Variants in CYP2C18 observed in about 807,000 individuals in gnomAD.
CYP2C18 encodes cytochrome P450 2C18.
CYP2C18 carries 38 observed loss-of-function variants against 41.3 expected under a neutral mutation model. The observed-to-expected ratio is 0.92, with a 90% confidence interval of 0.71 to 1.21. CYP2C18 has a LOEUF of 1.21. CYP2C18 is among the 50% of genes most tolerant of loss of function. The pLI, the probability that CYP2C18 is intolerant of heterozygous loss-of-function variation, is 0.00. For synonymous variants in CYP2C18, 236 were observed against 210.0 expected, an observed-to-expected ratio of 1.12 and a Z score of -1.07; for missense variants, 635 against 591.4, an observed-to-expected ratio of 1.07 and a Z score of -0.77.
chr10:94,700,048 C>T (rs758073816), intron 4 of CYP2C18, among the ~76,000 whole-genome samples: 14 of 152,194 alleles, frequency 9.2e-5, no homozygotes, highest in Non-Finnish European at 1.9e-4. Flanking sequence ...GACGGCCATA[C>T]TGCCCAAGGT....
rs774686106 is a variant in CYP2C18 at position 94,733,306 on chromosome 10, A to G, written c.1159A>G (p.Ile387Val). 2 of 1,612,948 alleles carry G rather than the reference A, an allele frequency of 1.2e-6. No homozygotes were observed. The highest frequency in any genetic ancestry group is 1.7e-6 in the Non-Finnish European group (2 of 1,179,330). ...KNYLIPKGTT[I>V]ITSLTSVLHN... ...GTTTTGCTATTTTCAGGGCACGACC[A>G]TAATAACATCCCTGACTTCTGTGCT... Residue 387 changes from isoleucine (I) to valine (V), a missense_variant, in exon 8 of 9, where the codon ATA (isoleucine) becomes GTA (valine). Physicochemically the swap from Ile to Val is conservative, Grantham distance 29. Transcript: ENST00000285979.
At chr10:94,695,130 C>A in intron 4 of CYP2C18, 53 bp downstream of exon 4, 5 of 1,489,750 alleles carry the variant, frequency 3.4e-6, no homozygotes, top group Non-Finnish European at 4.5e-6. Flanking sequence ...TTTTATCAGA[C>A]AGTCCAATTT....
chr10:94,691,462 A>C (rs1220627355), intron 3 of CYP2C18, among the ~76,000 whole-genome samples: 1 of 152,182 alleles, frequency 6.6e-6, no homozygotes, highest in Non-Finnish European at 1.5e-5. Flanking sequence ...AATCCAACTT[A>C]CAAGGGATGT....
intron 5 of CYP2C18, among the ~76,000 whole-genome samples, chr10:94,716,949 G>C (rs867422952): frequency 6.6e-5 from 10 of 152,078 alleles, no homozygotes; most frequent in East Asian, 1.9e-4. Flanking sequence ...CCTTGTTTGT[G>C]TCTTTCGATC....
chr10:94,713,867 C>T (rs534082488), intron 5 of CYP2C18, among the ~76,000 whole-genome samples: 8 of 152,316 alleles, frequency 5.3e-5, no homozygotes, highest in African/African-American at 1.9e-4. Flanking sequence ...TTAATGATCG[C>T]CATTCTAACT....
intron 3 of CYP2C18, among the ~76,000 whole-genome samples, chr10:94,691,554 C>T (rs1430223249): frequency 6.6e-6 from 1 of 152,154 alleles, no homozygotes; most frequent in East Asian, 1.9e-4. Flanking sequence ...ACATTCCATG[C>T]TCATGGGTAG....
chr10:94,689,889 A>G (rs560286424), intron 3 of CYP2C18, among the ~76,000 whole-genome samples: 1 of 152,198 alleles, frequency 6.6e-6, no homozygotes, highest in African/African-American at 2.4e-5. Context: ...TATATCCCAG[A>G]GCCCACAGAA....
At chr10:94,710,896 A>G (rs1847425295) in intron 5 of CYP2C18, among the ~76,000 whole-genome samples, 1 of 152,156 alleles carries the variant, frequency 6.6e-6, no homozygotes, top group African/African-American at 2.4e-5. Context: ...GAATAGGAAG[A>G]AATCTTTTTT....
chr10:94,698,622 A>G (rs1229165877), intron 4 of CYP2C18, among the ~76,000 whole-genome samples: 1 of 152,216 alleles, frequency 6.6e-6, no homozygotes, highest in Non-Finnish European at 1.5e-5. Context: ...GCAAGAAATA[A>G]CTAAGATCAG....
At chr10:94,690,275 A>C (rs1227163587) in intron 3 of CYP2C18, among the ~76,000 whole-genome samples, 5 of 152,250 alleles carry the variant, frequency 3.3e-5, no homozygotes, top group South Asian at 2.1e-4. Context: ...TGTCATAATG[A>C]GTCTGGTTTT....
At chr10:94,691,932 C>A (rs536501606) in intron 3 of CYP2C18, among the ~76,000 whole-genome samples, 41 of 152,198 alleles carry the variant, frequency 2.7e-4, no homozygotes, top group African/African-American at 9.6e-4. Flanking sequence ...GAAAGGATTC[C>A]CTATTTAATA....
At chr10:94,693,110 AT>A (rs1847041527) in intron 3 of CYP2C18, among the ~76,000 whole-genome samples, 4 of 152,172 alleles carry the variant, frequency 2.6e-5, no homozygotes, top group African/African-American at 9.7e-5. Flanking sequence ...ACACGTATAC[AT>A]ATGTAACAAA....
intron 5 of CYP2C18, among the ~76,000 whole-genome samples, chr10:94,718,416 CT>C (rs148772377): frequency 0.025 from 3,839 of 152,170 alleles, 148 homozygotes; most frequent in African/African-American, 0.075. Flanking sequence ...TTCTTTTCTT[CT>C]TTGGATGTCT....
chr10:94,704,012 G>T (rs1847291830), intron 4 of CYP2C18, among the ~76,000 whole-genome samples: 1 of 152,166 alleles, frequency 6.6e-6, no homozygotes, highest in Non-Finnish European at 1.5e-5. Flanking sequence ...TGCTTCCTGG[G>T]TGAGCCAATT....
chr10:94,732,622 C>G (rs1847852503), intron 7 of CYP2C18, among the ~76,000 whole-genome samples: 1 of 152,006 alleles, frequency 6.6e-6, no homozygotes, highest in Non-Finnish European at 1.5e-5. Context: ...ACAAATACAC[C>G]AGGAAACCCT....
chr10:94,724,561 T>A (rs752765909), intron 7 of CYP2C18, 28 bp downstream of exon 7: 1 of 1,594,024 alleles, frequency 6.3e-7, no homozygotes, highest in Non-Finnish European at 8.6e-7. Flanking sequence ...ACACTACATC[T>A]CCATGCTCTT....
chr10:94,707,312 C>A, intron 5 of CYP2C18, among the ~76,000 whole-genome samples: 1 of 152,040 alleles, frequency 6.6e-6, no homozygotes, highest in East Asian at 1.9e-4. Flanking sequence ...CCTAAGTGGG[C>A]CTCCTGCATG....
intron 1 of CYP2C18, among the ~76,000 whole-genome samples, chr10:94,684,394 T>C (rs1239982005): frequency 6.6e-6 from 1 of 152,172 alleles, no homozygotes; most frequent in Non-Finnish European, 1.5e-5. Flanking sequence ...CATTCTAATC[T>C]CTACTTCTCT....
intron 3 of CYP2C18, among the ~76,000 whole-genome samples, chr10:94,693,768 CACA>C (rs1435562745): frequency 6.6e-6 from 1 of 152,166 alleles, no homozygotes; most frequent in African/African-American, 2.4e-5. Flanking sequence ...ATCATTACCG[CACA>C]ACATTTTTGT....
Sources: allele counts gnomAD v4.1 joint callset (sites outside exome capture counted in the v4.1 genomes callset), GRCh38; gene constraint gnomAD v4.1.1; transcripts MANE v1.5; gene names NCBI Gene and HGNC (gene_info 2026-07-23, HGNC 2026-07-21).